SHOX: variants seen among roughly 807,000 people sequenced by gnomAD.
SHOX encodes SHOX homeobox, also known as short stature homeobox protein.
Under a neutral mutation model 29.6 loss-of-function variants are expected in SHOX, and 12 were observed. The observed-to-expected ratio is 0.41, with a 90% CI of 0.26 to 0.66. SHOX has a LOEUF of 0.66. SHOX is among the 30% of genes least tolerant of loss of function. The pLI, the probability that SHOX is intolerant of heterozygous loss-of-function variation, is 0.35. For synonymous variants in SHOX, 214 were observed against 200.6 expected (o/e 1.07, Z -0.57); for missense variants, 499 against 437.7 (o/e 1.14, Z -1.25).
intron 2 of SHOX, 125 bp from the exon 3 acceptor site, chrX:640,696 C>G: frequency 9.8e-7 from 1 of 1,017,288 alleles, no homozygotes; most frequent in East Asian, 2.4e-5. Flanking sequence ...GGGCGCCCAC[C>G]ATCAGTCACC....
intron 4 of SHOX, 69 bp downstream of exon 4, chrX:641,156 C>T (rs1363361203): frequency 4.2e-6 from 6 of 1,420,740 alleles, no homozygotes; most frequent in Non-Finnish European, 4.0e-6. Context: ...CCCCTATTTG[C>T]TGCCGCATCC....
chrX:630,744 T>C, upstream of SHOX: 1 of 954,760 alleles, frequency 1.0e-6, no homozygotes, highest in Non-Finnish European at 1.6e-6. Context: ...CATGGGGGGC[T>C]GGGCGAGGTC....
At chrX:630,219 C>A (rs1290053334), upstream of SHOX, among the ~76,000 whole-genome samples, 1 of 152,128 alleles carries the variant, frequency 6.6e-6, no homozygotes, top group Non-Finnish European at 1.5e-5. Flanking sequence ...CAGCCGCGTT[C>A]CATCTCACCA....
upstream of SHOX, among the ~76,000 whole-genome samples, chrX:628,074 T>C (rs1032402181): frequency 2.1e-5 from 1 of 46,956 alleles, no homozygotes; most frequent in Non-Finnish European, 5.4e-5. Context: ...CTCTCCCTCT[T>C]TCTCTTCCCC....
rs774997125 is a variant in SHOX, at chrX:634,811, C to T, written c.471C>T (p.Ser157=). 2.5e-6 allele frequency: 4 copies of T among 1,574,542 alleles called. No homozygotes were observed. The highest frequency in any genetic ancestry group is 2.3e-5 in the East Asian group (1 of 42,750). ...REELSQRLGL[S]EARVQVWFQN... ...AGCTCAGCCAGCGCCTGGGGCTCTCCGAGGCGCGCGTGCAGGTAGGAACCC... is the reference window on the plus strand; with the variant it reads ...AGCTCAGCCAGCGCCTGGGGCTCTCTGAGGCGCGCGTGCAGGTAGGAACCC... Residue 157 remains serine, a synonymous_variant, in exon 2 of 5, where the codon TCC becomes TCT. Transcript: ENST00000686671.
At chrX:624,878 C>G (rs1303144077) in intron 1 of SHOX, among the ~76,000 whole-genome samples, 2 of 65,126 alleles carry the variant, frequency 3.1e-5, no homozygotes, top group African/African-American at 1.1e-4. Flanking sequence ...TTCTTTCTTT[C>G]TTTCTTTCTT....
downstream of SHOX, among the ~76,000 whole-genome samples, chrX:655,010 G>A (rs1309275735): frequency 1.3e-5 from 2 of 150,962 alleles, no homozygotes; most frequent in African/African-American, 2.5e-5. Context: ...TTGATCCCAG[G>A]AGGTGGAGGC....
upstream of SHOX, among the ~76,000 whole-genome samples, chrX:626,433 C>T (rs1339014133): frequency 1.1e-5 from 1 of 92,522 alleles, no homozygotes; most frequent in African/African-American, 4.2e-5. Context: ...GTCTTCGTTC[C>T]TCTCTCTCTT....
chrX:627,654 G>A (rs2052562252), upstream of SHOX, among the ~76,000 whole-genome samples: 1 of 148,708 alleles, frequency 6.7e-6, no homozygotes, highest in Non-Finnish European at 1.5e-5. Context: ...CTCCGAGGCC[G>A]AGGGGCCTTG....
At chrX:641,155 G>T in intron 4 of SHOX, 68 bp downstream of exon 4, 1 of 1,459,468 alleles carries the variant, frequency 6.9e-7, no homozygotes, top group South Asian at 1.1e-5. Context: ...TCCCCTATTT[G>T]CTGCCGCATC....
chrX:630,976 G>A lies in SHOX; in HGVS notation c.79G>A (p.Gly27Arg), dbSNP rs2052636801. 2 of 1,613,720 alleles carry A rather than the reference G, an allele frequency of 1.2e-6. No homozygotes were observed. The highest frequency in any genetic ancestry group is 1.7e-6 in the Non-Finnish European group (2 of 1,179,832). Residue 27 changes from glycine to arginine, a missense_variant, in exon 1 of 5, where the codon GGA becomes AGA. Physicochemically the swap from Gly to Arg is moderately radical, Grantham distance 125. Transcript: ENST00000686671. ...CGGTAACGGCGGAGGCGGAGGCGGC[G>A]GAGGTAAGAAGGATTCCATTACGTA... ...KDGNGGGGGG[G>R]GKKDSITYRE... is the part of the protein sequence containing the mutation.
intron 1 of SHOX, among the ~76,000 whole-genome samples, chrX:631,603 C>G (rs777343690): frequency 7.2e-5 from 11 of 152,284 alleles, no homozygotes; most frequent in Admixed American, 2.6e-4. Context: ...GCGATCTCGG[C>G]TCACTGCAAC....
chrX:626,935 T>C (rs184198834), upstream of SHOX, among the ~76,000 whole-genome samples: 5,495 of 149,634 alleles, frequency 0.037, 347 homozygotes, highest in African/African-American at 0.13. Context: ...GTGTCTCTCT[T>C]TCCTCTCTCT....
chrX:624,862 T>TTTCTTTTC (rs1556451588), intron 1 of SHOX, among the ~76,000 whole-genome samples: 2 of 76,810 alleles, frequency 2.6e-5, no homozygotes, highest in Non-Finnish European at 5.4e-5. Flanking sequence ...TCTTTCTTTC[T>TTTCTTTTC]TTTCTTTCTT....
Position 636,401 on chromosome X carries a change from A to AT in SHOX, c.486+1576dup, listed in dbSNP as rs751026974. ...ACATATTGTATATATATAAATATAT[A>AT]TAAAAACATATATATACATATAAAA... is the stretch of plus-strand genomic sequence containing the variant. On this transcript the variant is annotated intron_variant, in intron 2 of 4. Transcript: ENST00000686671. Among the ~76,000 whole-genome samples the AT allele has an allele frequency of 5.1e-5, 7 of 138,504 alleles. No individual in the cohort carries two copies. The East Asian group carries it at 1.2e-3, about 24-fold the overall frequency. 90.9% of individuals were successfully genotyped at this position (138,504 alleles called of 152,430 possible).
intron 1 of SHOX, among the ~76,000 whole-genome samples, chrX:632,672 C>T (rs1238756315): frequency 6.6e-6 from 1 of 152,162 alleles, no homozygotes; most frequent in Admixed American, 6.5e-5. Context: ...AAAGCTGTGG[C>T]TACGGTTTAC....
intron 1 of SHOX, among the ~76,000 whole-genome samples, chrX:634,354 G>C (rs2052703503): frequency 6.6e-6 from 1 of 152,160 alleles, no homozygotes; most frequent in Non-Finnish European, 1.5e-5. Flanking sequence ...AAAAAGGTTA[G>C]GTTATGTCAA....
intron 2 of SHOX, among the ~76,000 whole-genome samples, chrX:636,970 A>ATATATATATATATATATATATATTTTTTT (rs1458275715): frequency 3.6e-5 from 5 of 137,326 alleles, no homozygotes; most frequent in African/African-American, 1.4e-4. Flanking sequence ...ATATATATAT[A>ATATATATATATATATATATATATTTTTTT]TTTTGGCTCC....
At chrX:653,190 G>A (rs1261687403), downstream of SHOX, among the ~76,000 whole-genome samples, 5 of 152,240 alleles carry the variant, frequency 3.3e-5, no homozygotes, top group South Asian at 2.1e-4. Flanking sequence ...GCACTGAGCC[G>A]AGATCGCGCC....
Sources: allele counts gnomAD v4.1 joint callset (sites outside exome capture counted in the v4.1 genomes callset), GRCh38; gene constraint gnomAD v4.1.1; transcripts MANE v1.5; gene names NCBI Gene and HGNC (gene_info 2026-07-23, HGNC 2026-07-21).